The following CACNA2D1 variants were observed in gnomAD, a reference collection of about 807,000 sequenced individuals.
CACNA2D1 encodes the protein voltage-dependent calcium channel subunit alpha-2/delta-1.
In CACNA2D1, 53 loss-of-function variants were observed where a neutral mutation model predicts 171.5. The observed-to-expected ratio is 0.31, with a 90% CI of 0.25 to 0.39. The LOEUF is 0.39. Ranked by LOEUF, CACNA2D1 falls within the 10% of genes least tolerant of loss-of-function variation. The probability of loss-of-function intolerance (pLI) is 1.00; values close to 1 mark genes in which losing one functional copy is unlikely to be tolerated. For synonymous variants in CACNA2D1, 442 were observed against 443.1 expected, an observed-to-expected ratio of 1.00 and a Z score of 0.03; for missense variants, 903 against 1,299.8, an observed-to-expected ratio of 0.69 and a Z score of 4.69.
At chr7:82,062,018 C>T (rs1806991206) in intron 9 of CACNA2D1, among the ~76,000 whole-genome samples, 1 of 152,172 alleles carries the variant, frequency 6.6e-6, no homozygotes, top group Non-Finnish European at 1.5e-5. Context: ...AGAATAATGG[C>T]TAGTAATTAT....
chr7:82,027,017 G>C (rs569095100), intron 12 of CACNA2D1, among the ~76,000 whole-genome samples: 32 of 151,550 alleles, frequency 2.1e-4, no homozygotes, highest in Non-Finnish European at 4.0e-4. Flanking sequence ...TTGAACTTCA[G>C]GAGATAGAGA....
At chr7:82,129,613 T>C (rs1160290826) in intron 5 of CACNA2D1, among the ~76,000 whole-genome samples, 2 of 152,208 alleles carry the variant, frequency 1.3e-5, no homozygotes, top group Admixed American at 1.3e-4. Context: ...ACTCTTTCTT[T>C]GGGGACAGTA....
intron 3 of CACNA2D1, among the ~76,000 whole-genome samples, chr7:82,223,644 G>C (rs1470852630): frequency 1.3e-5 from 2 of 152,164 alleles, no homozygotes; most frequent in African/African-American, 4.8e-5. Flanking sequence ...TCTGGGTCAT[G>C]TTCAGAATAC....
intron 1 of CACNA2D1, among the ~76,000 whole-genome samples, chr7:82,382,589 T>A (rs1823831201): frequency 6.6e-6 from 1 of 152,176 alleles, no homozygotes; most frequent in African/African-American, 2.4e-5. Flanking sequence ...GTGGGCGGGA[T>A]GGCAGTCCTC....
At chr7:82,068,916 A>T (rs2128989088) in intron 7 of CACNA2D1, among the ~76,000 whole-genome samples, 1 of 152,274 alleles carries the variant, frequency 6.6e-6, no homozygotes, top group East Asian at 1.9e-4. Flanking sequence ...AAAAAAGTTA[A>T]AAGGCTATAA....
intron 4 of CACNA2D1, among the ~76,000 whole-genome samples, chr7:82,138,596 G>A (rs1447582411): frequency 5.3e-5 from 8 of 151,600 alleles, no homozygotes; most frequent in South Asian, 2.1e-4. Context: ...ACAGGCGCCC[G>A]CCACCATGCC....
chr7:82,390,369 G>A (rs1305787093), intron 1 of CACNA2D1, among the ~76,000 whole-genome samples: 1 of 152,092 alleles, frequency 6.6e-6, no homozygotes, highest in East Asian at 1.9e-4. Context: ...ATTATGATAT[G>A]TCTATTTAAA....
intron 38 of CACNA2D1, among the ~76,000 whole-genome samples, chr7:81,958,721 CAAACACTAGAAAAAGA>C (rs1342816188): frequency 6.6e-6 from 1 of 151,680 alleles, no homozygotes; most frequent in Admixed American, 6.6e-5. Flanking sequence ...GGTCTAGTTT[CAAACACTAGAAAAAGA>C]AATTAGTACA....
chr7:82,390,546 CGAA>C (rs1824995680), intron 1 of CACNA2D1, among the ~76,000 whole-genome samples: 1 of 152,026 alleles, frequency 6.6e-6, no homozygotes, highest in South Asian at 2.1e-4. Context: ...AGTCAATTAT[CGAA>C]GAAGCTAATG....
At chr7:82,011,840 C>CTT (rs369711318) in intron 15 of CACNA2D1, among the ~76,000 whole-genome samples, 1 of 151,270 alleles carries the variant, frequency 6.6e-6, no homozygotes, top group Non-Finnish European at 1.5e-5. Flanking sequence ...AGACTTTCAT[C>CTT]TTTTTTTTTA....
chr7:82,050,766 A>G lies in CACNA2D1; in HGVS notation c.879+9662T>C, dbSNP rs984339976. 5 of 639,088 alleles carry G rather than the reference A, an allele frequency of 7.8e-6. No individual in the cohort carries two copies. In the African/African-American group the frequency reaches 9.1e-5, roughly 12 times the overall value. 39.6% of individuals were successfully genotyped at this position (639,088 alleles called of 1,614,324 possible). On this transcript the variant is annotated intron_variant, in intron 10 of 38. Coordinates refer to ENST00000356860, the MANE Select transcript of CACNA2D1 (RefSeq NM_000722.4). The stretch of plus-strand genomic sequence containing the variant: ...CTAAATAACAATAATCATCATCATA[A>G]TACATGATTACAATATATAAGCACT...
intron 1 of CACNA2D1, among the ~76,000 whole-genome samples, chr7:82,411,756 C>G (rs1309478541): frequency 6.6e-6 from 1 of 152,000 alleles, no homozygotes; most frequent in African/African-American, 2.4e-5. Flanking sequence ...GGAGACACTT[C>G]TGCATTTTAA....
At chr7:82,417,688 G>C (rs1828311059) in intron 1 of CACNA2D1, among the ~76,000 whole-genome samples, 1 of 152,110 alleles carries the variant, frequency 6.6e-6, no homozygotes, top group Non-Finnish European at 1.5e-5. Flanking sequence ...AGTAAACAAA[G>C]GGGAAGAGCC....
At chr7:82,360,474 T>C (rs568316010) in intron 1 of CACNA2D1, among the ~76,000 whole-genome samples, 26 of 152,298 alleles carry the variant, frequency 1.7e-4, no homozygotes, top group African/African-American at 5.3e-4. Flanking sequence ...GTACCATTTA[T>C]TTTACTTACA....
At chr7:82,379,428 T>G (rs1823432749) in intron 1 of CACNA2D1, among the ~76,000 whole-genome samples, 1 of 152,248 alleles carries the variant, frequency 6.6e-6, no homozygotes. Context: ...GAGAAATATT[T>G]TAACAAATAC....
intron 1 of CACNA2D1, among the ~76,000 whole-genome samples, chr7:82,362,340 G>A (rs759764871): frequency 5.3e-5 from 8 of 152,224 alleles, no homozygotes; most frequent in Non-Finnish European, 1.2e-4. Flanking sequence ...GTATTGTAAC[G>A]TTAAAGTCTA....
intron 29 of CACNA2D1, among the ~76,000 whole-genome samples, chr7:81,968,166 A>G (rs574303263): frequency 6.6e-6 from 1 of 151,514 alleles, no homozygotes; most frequent in Admixed American, 6.6e-5. Flanking sequence ...TAAGTGATGG[A>G]GTGAATTCAT....
intron 3 of CACNA2D1, among the ~76,000 whole-genome samples, chr7:82,257,379 C>T (rs1177286190): frequency 1.3e-5 from 2 of 152,190 alleles, no homozygotes; most frequent in African/African-American, 4.8e-5. Flanking sequence ...TGAAAACACA[C>T]ATTCTGTGCC....
chr7:82,265,205 C>A (rs1198599373), intron 3 of CACNA2D1, among the ~76,000 whole-genome samples: 1 of 152,160 alleles, frequency 6.6e-6, no homozygotes, highest in East Asian at 1.9e-4. Flanking sequence ...CTAAAAACAT[C>A]TTTTAATTGC....
Sources: allele counts gnomAD v4.1 joint callset (sites outside exome capture counted in the v4.1 genomes callset), GRCh38; gene constraint gnomAD v4.1.1; transcripts MANE v1.5; gene names NCBI Gene and HGNC (gene_info 2026-07-23, HGNC 2026-07-21).